Variants in NOX4 observed in about 807,000 individuals in gnomAD.
NOX4 encodes the protein NADPH oxidase 4.
NOX4 carries 69 observed loss-of-function variants against 87.6 expected under a neutral mutation model. That is an observed-to-expected ratio of 0.79 (90% CI 0.65 to 0.96). NOX4 has a LOEUF of 0.96. NOX4 is among the 40% of genes least tolerant of loss of function. NOX4 has a pLI of 0.00. For synonymous variants in NOX4, 275 were observed against 238.2 expected (o/e 1.15, Z -1.42); for missense variants, 680 against 681.5 (o/e 1.00, Z 0.02).
At chr11:89,444,503 A>ATAAATATG (rs1314617634) in intron 4 of NOX4, among the ~76,000 whole-genome samples, 3 of 144,618 alleles carry the variant, frequency 2.1e-5, no homozygotes, top group African/African-American at 7.9e-5. Flanking sequence ...ATACACACAC[A>ATAAATATG]CATCCTCCCC....
intron 2 of NOX4, among the ~76,000 whole-genome samples, chr11:89,468,311 C>T (rs891517283): frequency 2.6e-5 from 4 of 152,194 alleles, no homozygotes; most frequent in African/African-American, 9.6e-5. Flanking sequence ...GTATAATTTC[C>T]TAAATCAATC....
In NOX4 at chr11:89,412,417, C is replaced by T. The variant is rs189141492; in HGVS notation, c.629+9485G>A. ...TTCTCAAGGATCATATGTTAGGTAACAAAAAAGTCTCAAAACATTCAAAAA... is the reference window on the plus strand; with the variant it reads ...TTCTCAAGGATCATATGTTAGGTAATAAAAAAGTCTCAAAACATTCAAAAA... On this transcript the variant is annotated intron_variant, in intron 8 of 17. Coordinates refer to ENST00000263317, the MANE Select transcript of NOX4 (RefSeq NM_016931.5). Among the ~76,000 whole-genome samples, 16 of 152,096 alleles carry T rather than the reference C, an allele frequency of 1.1e-4. No homozygotes were observed. The East Asian group carries it at 3.1e-3, about 29-fold the overall frequency.
At chr11:89,400,453 A>G in intron 9 of NOX4, 74 bp from the exon 10 acceptor site, 2 of 980,948 alleles carry the variant, frequency 2.0e-6, no homozygotes, top group Non-Finnish European at 2.9e-6. Context: ...CCAATTGCTT[A>G]TTGCATACAT....
At chr11:89,404,514 T>G (rs1283991065) in intron 8 of NOX4, among the ~76,000 whole-genome samples, 1 of 152,138 alleles carries the variant, frequency 6.6e-6, no homozygotes, top group African/African-American at 2.4e-5. Flanking sequence ...AGCTTAGTAA[T>G]GTATGGAAAA....
intron 11 of NOX4, among the ~76,000 whole-genome samples, chr11:89,391,946 C>T (rs1343101882): frequency 2.0e-5 from 3 of 147,990 alleles, no homozygotes; most frequent in South Asian, 2.2e-4. Flanking sequence ...CTTCCCCTTC[C>T]CCTTCTCCTT....
At chr11:89,539,082 A>T in the NOX4 span, among the ~76,000 whole-genome samples, 1 of 152,106 alleles carries the variant, frequency 6.6e-6, no homozygotes, top group African/African-American at 2.4e-5. Flanking sequence ...TCTCACCAGA[A>T]ACTAAAGCGC....
At chr11:89,489,450 G>A (rs774592501) in intron 2 of NOX4, among the ~76,000 whole-genome samples, 14 of 152,018 alleles carry the variant, frequency 9.2e-5, no homozygotes, top group African/African-American at 1.4e-4. Flanking sequence ...AATCTCAGCC[G>A]GGCATGGTGG....
chr11:89,432,902 A>C, intron 6 of NOX4, 46 bp from the exon 7 acceptor site: 4 of 1,228,436 alleles, frequency 3.3e-6, no homozygotes, highest in Non-Finnish European at 4.8e-6. Flanking sequence ...TCATAGTGAG[A>C]AAAAAATACA....
upstream of NOX4, chr11:89,498,964 A>G (rs1946988673): frequency 6.6e-6 from 1 of 152,616 alleles, no homozygotes; most frequent in Admixed American, 6.5e-5. Flanking sequence ...TGGGCTTTTC[A>G]TAATATCTAA....
the NOX4 span, chr11:89,556,938 T>C: frequency 6.6e-6 from 1 of 152,100 alleles, no homozygotes; most frequent in Non-Finnish European, 1.5e-5. Context: ...ATGCATGATG[T>C]TTTAATGAAA....
At chr11:89,399,432 AATATATATATATATATATAT>A (rs1208007737) in intron 11 of NOX4, among the ~76,000 whole-genome samples, 11 of 75,644 alleles carry the variant, frequency 1.5e-4, no homozygotes, top group South Asian at 5.1e-4. Flanking sequence ...CAAGAAATTA[AATATATATATATATATATAT>A]ATATATATAT....
At chr11:89,357,222 T>A (rs1207913995) in intron 12 of NOX4, among the ~76,000 whole-genome samples, 1 of 151,894 alleles carries the variant, frequency 6.6e-6, no homozygotes, top group Non-Finnish European at 1.5e-5. Flanking sequence ...TACTGTTTTT[T>A]TTTCTCTCAA....
At chr11:89,503,748 T>G in the NOX4 span, among the ~76,000 whole-genome samples, 8 of 150,990 alleles carry the variant, frequency 5.3e-5, no homozygotes, top group Non-Finnish European at 1.2e-4. Flanking sequence ...AGACAATATC[T>G]AAGGTATTTT....
intron 11 of NOX4, among the ~76,000 whole-genome samples, chr11:89,396,333 A>G (rs1941481250): frequency 6.6e-6 from 1 of 152,060 alleles, no homozygotes; most frequent in East Asian, 1.9e-4. Flanking sequence ...AGGAATGTTT[A>G]TGATTTTTGC....
At chr11:89,430,430 G>A (rs369405003) in intron 7 of NOX4, among the ~76,000 whole-genome samples, 188 of 152,308 alleles carry the variant, frequency 1.2e-3, no homozygotes, top group South Asian at 9.1e-3. Flanking sequence ...GTTTGCAGAT[G>A]AAAGGATTGT....
Position 89,379,238 on chromosome 11 carries a change from A to G in NOX4, c.1075-5746T>C, listed in dbSNP as rs555177418. Among the ~76,000 whole-genome samples the G allele has an allele frequency of 1.4e-4, 22 of 152,304 alleles. 1 individual carries two copies. The East Asian group carries it at 3.7e-3, about 25-fold the overall frequency. On this transcript the variant is annotated intron_variant, in intron 11 of 17. Transcript: ENST00000263317. ...GTAGCCATTTAGGAACTGACTAAAC[A>G]AAACATATGAAACCAAAGTCTCATT...
At chr11:89,537,015 C>T in the NOX4 span, among the ~76,000 whole-genome samples, 1 of 152,158 alleles carries the variant, frequency 6.6e-6, no homozygotes, top group African/African-American at 2.4e-5. Context: ...TGGGATTATG[C>T]CCACTTCTGA....
At position 89,326,740 on chromosome 11, in the gene NOX4, T is replaced by C; in HGVS notation, c.*16A>G. 1 of 1,611,600 alleles carries C rather than the reference T, an allele frequency of 6.2e-7. No individual in the cohort carries two copies. The highest frequency in any genetic ancestry group is 1.1e-5 in the South Asian group (1 of 90,716). ...ACTCATTCCTTCTTTAGAGTCCTGC[T>C]TCATGGCAAAAGTTTTCAGCTGAAA... On this transcript the variant is annotated 3_prime_UTR_variant, in exon 18 of 18. Transcript: ENST00000263317.
chr11:89,431,418 A>G (rs544802938), intron 7 of NOX4, among the ~76,000 whole-genome samples: 2 of 152,206 alleles, frequency 1.3e-5, no homozygotes, highest in Non-Finnish European at 2.9e-5. Context: ...TGAACAGGCA[A>G]CCTACAGAAT....
Sources: allele counts gnomAD v4.1 joint callset (sites outside exome capture counted in the v4.1 genomes callset), GRCh38; gene constraint gnomAD v4.1.1; transcripts MANE v1.5; gene names NCBI Gene and HGNC (gene_info 2026-07-23, HGNC 2026-07-21).